C5orf47: variants seen among roughly 807,000 people sequenced by gnomAD.
C5orf47 encodes the protein uncharacterized protein C5orf47.
Under a neutral mutation model 20.6 loss-of-function variants are expected in C5orf47, and 20 were observed. The observed-to-expected ratio is 0.97, with a 90% CI of 0.68 to 1.41. The LOEUF (loss-of-function observed/expected upper bound fraction) is 1.41, where lower values mean the gene tolerates loss of function less well. C5orf47 is among the 40% of genes most tolerant of loss of function. The pLI, the probability that C5orf47 is intolerant of heterozygous loss-of-function variation, is 0.00. For missense variants in C5orf47, 262 were observed against 238.4 expected (o/e 1.10, Z -0.65); for synonymous variants, 106 against 97.3 (o/e 1.09, Z -0.53).
intron 2 of C5orf47, 131 bp downstream of exon 2, chr5:173,998,369 A>T (rs914567454): frequency 3.6e-6 from 2 of 558,538 alleles, no homozygotes; most frequent in Admixed American, 7.2e-5. Context: ...CTGAAATGAG[A>T]AATAGAAGTA....
intron 1 of C5orf47, among the ~76,000 whole-genome samples, chr5:173,994,713 A>G (rs1165542500): frequency 1.3e-5 from 2 of 152,222 alleles, no homozygotes; most frequent in Non-Finnish European, 2.9e-5. Flanking sequence ...AGCCAAGGTT[A>G]TAGTCAAGGG....
At chr5:174,004,042 C>G (rs1447137504) in intron 4 of C5orf47, among the ~76,000 whole-genome samples, 2 of 151,840 alleles carry the variant, frequency 1.3e-5, no homozygotes, top group East Asian at 3.9e-4. Flanking sequence ...TTGAAGTCAC[C>G]CAAGGGTATT....
downstream of C5orf47, among the ~76,000 whole-genome samples, chr5:174,006,994 G>A (rs1759302605): frequency 6.6e-6 from 1 of 152,036 alleles, no homozygotes; most frequent in East Asian, 1.9e-4. Flanking sequence ...AGGCCTCAAA[G>A]GTTCTCTGTT....
At chr5:173,992,365 A>T (rs979182659) in intron 1 of C5orf47, among the ~76,000 whole-genome samples, 1 of 151,940 alleles carries the variant, frequency 6.6e-6, no homozygotes, top group Non-Finnish European at 1.5e-5. Flanking sequence ...GTGAGCTATG[A>T]TATGGCCTTC....
rs745638789 is a variant in C5orf47, at chr5:173,999,763, A to G, written c.475A>G (p.Arg159Gly). 2.5e-5 allele frequency: 39 copies of G among 1,536,622 alleles called. No individual in the cohort carries two copies. In the South Asian group the frequency reaches 4.4e-4, roughly 17 times the overall value. ...AATGCTTGAAGAAAATGAAAAATAT[A>G]GACACAGGCTGAAATGCCAAAGGTT... ...SRMLEENEKY[R>G]HRLKCQRLSS... The change falls in exon 3 of 5, where the codon AGA becomes GGA. Residue 159 changes from arginine (R) to glycine (G), a missense_variant. Coordinates refer to ENST00000340147, the MANE Select transcript of C5orf47 (RefSeq NM_001144954.2).
intron 1 of C5orf47, among the ~76,000 whole-genome samples, chr5:173,990,534 A>G (rs1185166691): frequency 6.6e-6 from 1 of 152,006 alleles, no homozygotes; most frequent in Non-Finnish European, 1.5e-5. Context: ...CCCCTGGTTC[A>G]AGCGATTCTC....
rs1356500252 is a variant in C5orf47, at chr5:174,006,081, TC to T, written c.*1829del. ...CTGCAATACTTTAACTTATTTCTGT[TC>T]CATAATTTCAGTAGGGGCTAATGAC... On this transcript the variant is annotated 3_prime_UTR_variant, in exon 5 of 5. Transcript: ENST00000340147. 2 of 152,350 alleles carry T rather than the reference TC, an allele frequency of 1.3e-5. No homozygotes were observed. Among genetic ancestry groups the T allele is most frequent in the African/African-American group, 4.8e-5 (2 of 41,462 alleles). The allele number at this position is 152,350 out of a possible 1,614,324, so 9.4% of individuals were successfully genotyped here. A position where few individuals can be genotyped will look rare whatever the true frequency, so the allele number is the denominator to read the frequency against.
At chr5:173,993,602 C>T (rs1056756444) in intron 1 of C5orf47, among the ~76,000 whole-genome samples, 6 of 152,092 alleles carry the variant, frequency 3.9e-5, no homozygotes, top group Non-Finnish European at 5.9e-5. Flanking sequence ...TGAGATCGTG[C>T]CACTGCACTC....
At chr5:174,003,684 A>G (rs143691768) in intron 4 of C5orf47, among the ~76,000 whole-genome samples, 47 of 152,260 alleles carry the variant, frequency 3.1e-4, no homozygotes, top group African/African-American at 4.3e-4. Context: ...TGTCGAGGAT[A>G]AAGAGGAATT....
chr5:174,008,239 C>T (rs993286968), downstream of C5orf47, among the ~76,000 whole-genome samples: 2 of 152,182 alleles, frequency 1.3e-5, no homozygotes, highest in African/African-American at 4.8e-5. Context: ...TCTTTGTATT[C>T]CTAGAAGTAA....
chr5:174,005,116 C>T lies in C5orf47; in HGVS notation c.*862C>T, dbSNP rs1413338040. ...TCTCTTTCTAAATTGAATCAAAGAC[C>T]TAGGTGGAACTGGAAACTTAGGAGG... On this transcript the variant is annotated 3_prime_UTR_variant, in exon 5 of 5. Transcript: ENST00000340147. The T allele has an allele frequency of 1.3e-5, 2 of 152,080 alleles. No homozygotes were observed. The highest frequency in any genetic ancestry group is 3.8e-4 in the East Asian group (2 of 5,196). The allele number at this position is 152,080 out of a possible 1,614,324, so 9.4% of individuals were successfully genotyped here. A position where few individuals can be genotyped will look rare whatever the true frequency, so the allele number is the denominator to read the frequency against.
chr5:173,997,470 G>T (rs576512132), intron 1 of C5orf47, among the ~76,000 whole-genome samples: 24 of 152,318 alleles, frequency 1.6e-4, no homozygotes, highest in African/African-American at 5.5e-4. Context: ...ACCCTTATTA[G>T]TACTACTATG....
chr5:174,008,285 A>G (rs1159582373), downstream of C5orf47, among the ~76,000 whole-genome samples: 4 of 152,172 alleles, frequency 2.6e-5, no homozygotes, highest in Non-Finnish European at 5.9e-5. Context: ...TCCGGCCCAT[A>G]TATTAGGTGA....
chr5:173,998,822 T>C (rs1759145286), intron 2 of C5orf47, among the ~76,000 whole-genome samples: 1 of 152,198 alleles, frequency 6.6e-6, no homozygotes, highest in African/African-American at 2.4e-5. Context: ...TTTAAAGAAA[T>C]TATTGGTTGA....
chr5:173,990,538 G>A (rs1353098242), intron 1 of C5orf47, among the ~76,000 whole-genome samples: 2 of 152,058 alleles, frequency 1.3e-5, no homozygotes, highest in African/African-American at 2.4e-5. Context: ...TGGTTCAAGC[G>A]ATTCTCCTGC....
chr5:174,008,544 ACTT>A (rs1018468388), downstream of C5orf47, among the ~76,000 whole-genome samples: 3 of 152,200 alleles, frequency 2.0e-5, no homozygotes, highest in Admixed American at 6.5e-5. Flanking sequence ...TTGAAAAACA[ACTT>A]CTGGGCCAGG....
rs776690138 is a variant in C5orf47 at position 173,999,821 on chromosome 5, T to C, written c.511+22T>C. On this transcript the variant is annotated intron_variant, in intron 3 of 4. Transcript: ENST00000340147. The stretch of plus-strand genomic sequence containing the variant: ...GAAAGTAAGTTAACACAATTTTTAT[T>C]GTATTAAAAAGACTGGCCTCTGTAA... The C allele has an allele frequency of 2.8e-5, 38 of 1,339,312 alleles. No individual in the cohort carries two copies. The South Asian group carries it at 4.8e-4, about 17-fold the overall frequency. The allele number at this position is 1,339,312 out of a possible 1,614,324, so 83.0% of individuals were successfully genotyped here. A position where few individuals can be genotyped will look rare whatever the true frequency, so the allele number is the denominator to read the frequency against.
Position 173,999,813 on chromosome 5 carries a change from A to G in C5orf47, c.511+14A>G. 7 of 1,378,952 alleles carry G rather than the reference A, an allele frequency of 5.1e-6. No individual in the cohort carries two copies. The highest frequency in any genetic ancestry group is 7.0e-6 in the Non-Finnish European group (7 of 999,746). 85.4% of individuals were successfully genotyped at this position (1,378,952 alleles called of 1,614,324 possible). A position where few individuals can be genotyped will look rare whatever the true frequency, so the allele number is the denominator to read the frequency against. On this transcript the variant is annotated intron_variant, in intron 3 of 4. Transcript: ENST00000340147. ...TATCTAGTGAAAGTAAGTTAACACA[A>G]TTTTTATTGTATTAAAAAGACTGGC...
At position 174,004,764 on chromosome 5, in the gene C5orf47, T is replaced by A. The variant is rs1581199057; in HGVS notation, c.*510T>A. The A allele has an allele frequency of 6.6e-6, 1 of 152,428 alleles. No individual in the cohort carries two copies. The allele number at this position is 152,428 out of a possible 1,614,324, so 9.4% of individuals were successfully genotyped here. A position where few individuals can be genotyped will look rare whatever the true frequency, so the allele number is the denominator to read the frequency against. On this transcript the variant is annotated 3_prime_UTR_variant, in exon 5 of 5. Transcript: ENST00000340147. ...TACATAGCAACGATTATTTTGGGTGTTAAAACTAAGCTAATGATTATTTAA... is the reference window on the plus strand; with the variant it reads ...TACATAGCAACGATTATTTTGGGTGATAAAACTAAGCTAATGATTATTTAA...
Sources: allele counts gnomAD v4.1 joint callset (sites outside exome capture counted in the v4.1 genomes callset), GRCh38; gene constraint gnomAD v4.1.1; transcripts MANE v1.5; gene names NCBI Gene and HGNC (gene_info 2026-07-23, HGNC 2026-07-21).